EBF3: variants seen among roughly 807,000 people sequenced by gnomAD.
EBF3 encodes the protein transcription factor COE3.
In EBF3, 18 loss-of-function variants were observed where a neutral mutation model predicts 77.1. The observed-to-expected ratio is 0.23, with a 90% CI of 0.16 to 0.35. EBF3 has a LOEUF of 0.35. EBF3 is among the 10% of genes least tolerant of loss of function. The pLI is 1.00. For missense variants in EBF3, 558 were observed against 860.0 expected, an observed-to-expected ratio of 0.65 and a Z score of 4.39; for synonymous variants, 350 against 343.5, an observed-to-expected ratio of 1.02 and a Z score of -0.21.
intron 10 of EBF3, among the ~76,000 whole-genome samples, chr10:129,853,835 A>G (rs1275157309): frequency 6.6e-6 from 1 of 152,256 alleles, no homozygotes; most frequent in East Asian, 1.9e-4. Flanking sequence ...CCAAGGGGGA[A>G]AAATGCCAAT....
At chr10:129,907,222 G>A (rs1391337285) in intron 6 of EBF3, among the ~76,000 whole-genome samples, 2 of 152,196 alleles carry the variant, frequency 1.3e-5, no homozygotes, top group African/African-American at 2.4e-5. Flanking sequence ...AAAGGGACCC[G>A]TTAACCACCA....
intron 6 of EBF3, among the ~76,000 whole-genome samples, chr10:129,926,350 G>C (rs909326870): frequency 6.6e-6 from 1 of 152,224 alleles, no homozygotes; most frequent in Admixed American, 6.5e-5. Context: ...AAGGCCTAGA[G>C]AGTGATGCAC....
chr10:129,872,061 A>G (rs1852442093), intron 8 of EBF3, among the ~76,000 whole-genome samples: 1 of 152,222 alleles, frequency 6.6e-6, no homozygotes, highest in Admixed American at 6.5e-5. Context: ...AAAAATAAAT[A>G]CTTGTACTTT....
chr10:129,957,475 G>A, intron 5 of EBF3, 149 bp from the exon 6 acceptor site: 1 of 629,852 alleles, frequency 1.6e-6, no homozygotes, highest in Non-Finnish European at 2.7e-6. Flanking sequence ...GTGAGTTCAC[G>A]TGTTCTGCGG....
chr10:129,866,369 C>T (rs760112868), intron 10 of EBF3, among the ~76,000 whole-genome samples: 3 of 152,198 alleles, frequency 2.0e-5, no homozygotes, highest in Non-Finnish European at 4.4e-5. Context: ...GATTCTCCTG[C>T]CTTTCAAAGT....
intron 6 of EBF3, among the ~76,000 whole-genome samples, chr10:129,942,165 T>C (rs2134496511): frequency 6.6e-6 from 1 of 152,336 alleles, no homozygotes; most frequent in South Asian, 2.1e-4. Context: ...GATTTTCATT[T>C]ACAAGAGCTT....
At chr10:129,940,045 C>G (rs1013255381) in intron 6 of EBF3, among the ~76,000 whole-genome samples, 1 of 152,230 alleles carries the variant, frequency 6.6e-6, no homozygotes, top group African/African-American at 2.4e-5. Context: ...CCCGAGGGCC[C>G]ACTGGTGTCC....
intron 6 of EBF3, among the ~76,000 whole-genome samples, chr10:129,921,875 T>C (rs1856338271): frequency 6.6e-6 from 1 of 152,120 alleles, no homozygotes; most frequent in Admixed American, 6.5e-5. Flanking sequence ...TGCCGTCCCA[T>C]CCCAGCTCAC....
At chr10:129,912,077 T>C (rs1434565066) in intron 6 of EBF3, among the ~76,000 whole-genome samples, 1 of 152,160 alleles carries the variant, frequency 6.6e-6, no homozygotes, top group African/African-American at 2.4e-5. Flanking sequence ...GGGCTCCCGC[T>C]AGGACCCACA....
intron 6 of EBF3, among the ~76,000 whole-genome samples, chr10:129,896,919 C>T (rs996206303): frequency 6.6e-6 from 1 of 152,198 alleles, no homozygotes; most frequent in Non-Finnish European, 1.5e-5. Flanking sequence ...CCCAGGCCTC[C>T]TCTTTATTGC....
intron 4 of EBF3, among the ~76,000 whole-genome samples, chr10:129,959,845 C>A (rs1250241237): frequency 6.6e-6 from 1 of 152,056 alleles, no homozygotes; most frequent in Non-Finnish European, 1.5e-5. Flanking sequence ...ACGTGCTCCT[C>A]GCCGGATGAT....
intron 6 of EBF3, among the ~76,000 whole-genome samples, chr10:129,936,761 G>A (rs1308875974): frequency 3.3e-5 from 5 of 151,670 alleles, no homozygotes; most frequent in Admixed American, 1.3e-4. Flanking sequence ...GCTGTGTGGG[G>A]ACCCAGGGGG....
Position 129,843,208 on chromosome 10 carries a change from G to A in EBF3, c.1129-6C>T, listed in dbSNP as rs532644240. 40 of 1,609,646 alleles carry A rather than the reference G, an allele frequency of 2.5e-5. No homozygotes were observed. The South Asian group carries it at 4.3e-4, about 17-fold the overall frequency. On this transcript the variant is annotated splice_polypyrimidine_tract_variant and splice_region_variant and intron_variant, in intron 11 of 16. Transcript: ENST00000440978. Reference sequence around the variant, plus strand: ...GCCCGCTTCAGTAACACCTCCTAAAGGAAGAGCAGACAGGAGGTGATTCAT... The same window carrying A: ...GCCCGCTTCAGTAACACCTCCTAAAAGAAGAGCAGACAGGAGGTGATTCAT...
intron 6 of EBF3, among the ~76,000 whole-genome samples, chr10:129,946,218 G>A (rs1355206478): frequency 6.6e-6 from 1 of 152,242 alleles, no homozygotes; most frequent in Non-Finnish European, 1.5e-5. Flanking sequence ...CTGGCGACTG[G>A]TCAACTCTGT....
chr10:129,865,622 C>T (rs755230225), intron 10 of EBF3, among the ~76,000 whole-genome samples: 15 of 152,192 alleles, frequency 9.9e-5, no homozygotes, highest in Non-Finnish European at 2.1e-4. Context: ...GGACAGCAGC[C>T]CTGGCCTGCC....
intron 6 of EBF3, among the ~76,000 whole-genome samples, chr10:129,919,456 C>T (rs534803122): frequency 5.9e-5 from 9 of 152,092 alleles, no homozygotes; most frequent in Non-Finnish European, 1.0e-4. Flanking sequence ...GACCCACTCA[C>T]GGAGCCTGGG....
intron 6 of EBF3, among the ~76,000 whole-genome samples, chr10:129,907,123 AG>A (rs1342911113): frequency 6.6e-6 from 1 of 152,240 alleles, no homozygotes; most frequent in Non-Finnish European, 1.5e-5. Flanking sequence ...CTGCCAGAGA[AG>A]GGGGAAGCGG....
chr10:129,904,855 C>T (rs76554109), intron 6 of EBF3, among the ~76,000 whole-genome samples: 445 of 152,284 alleles, frequency 2.9e-3, no homozygotes, highest in Non-Finnish European at 5.3e-3. Context: ...TACTCCTAAA[C>T]GAACAGAAGC....
At chr10:129,918,662 C>A (rs2134340283) in intron 6 of EBF3, among the ~76,000 whole-genome samples, 1 of 152,334 alleles carries the variant, frequency 6.6e-6, no homozygotes, top group South Asian at 2.1e-4. Context: ...GCTCCCTGCC[C>A]CAGGGGCCTA....
Sources: gnomAD v4.1 joint callset for allele counts (sites outside exome capture counted in the v4.1 genomes callset) on GRCh38, gnomAD v4.1.1 for gene constraint, MANE v1.5 for transcripts, NCBI Gene and HGNC (gene_info 2026-07-23, HGNC 2026-07-21) for gene names.